Variants in KCNQ3 observed in about 807,000 individuals in gnomAD.
The protein encoded by KCNQ3 is potassium voltage-gated channel subfamily Q member 3.
A neutral mutation model predicts 92.5 loss-of-function variants in KCNQ3; 30 were observed. The observed-to-expected ratio is 0.32, with a 90% CI of 0.24 to 0.44. The LOEUF (loss-of-function observed/expected upper bound fraction) is 0.44, where lower values mean the gene tolerates loss of function less well. KCNQ3 is among the 20% of genes least tolerant of loss of function. The pLI is 1.00. For missense variants in KCNQ3, 913 were observed against 1,140.3 expected, an observed-to-expected ratio of 0.80 and a Z score of 2.87; for synonymous variants, 450 against 468.8, an observed-to-expected ratio of 0.96 and a Z score of 0.52.
At chr8:132,466,994 C>G (rs969801718) in intron 1 of KCNQ3, among the ~76,000 whole-genome samples, 1 of 152,172 alleles carries the variant, frequency 6.6e-6, no homozygotes, top group Non-Finnish European at 1.5e-5. Flanking sequence ...AAACACAAAC[C>G]AAGAGAGAAT....
rs1824543589 is a variant in KCNQ3 at position 132,123,215 on chromosome 8, C to T, written c.*6047G>A. On this transcript the variant is annotated 3_prime_UTR_variant, in exon 15 of 15. Transcript: ENST00000388996. ...AAGGCATGACTGTTGCTGAATGAGC[C>T]CAAGTGATGGGCCAAAAAGGTGAAC... The T allele has an allele frequency of 6.6e-6, 1 of 152,202 alleles. No homozygotes were observed. The highest frequency in any genetic ancestry group is 2.1e-4 in the South Asian group (1 of 4,820). The allele number at this position is 152,202 out of a possible 1,614,324, so 9.4% of individuals were successfully genotyped here.
At chr8:132,342,235 A>G (rs1043234022) in intron 1 of KCNQ3, among the ~76,000 whole-genome samples, 1 of 151,712 alleles carries the variant, frequency 6.6e-6, no homozygotes, top group East Asian at 1.9e-4. Context: ...CTTTCACCAT[A>G]TCTCCTTTAA....
chr8:132,450,279 T>C (rs1428607640), intron 1 of KCNQ3, among the ~76,000 whole-genome samples: 1 of 151,904 alleles, frequency 6.6e-6, no homozygotes, highest in African/African-American at 2.4e-5. Context: ...GATTGGCCTA[T>C]TTTACAAACC....
In KCNQ3 at chr8:132,187,543, C is replaced by T. The variant is rs1827008995; in HGVS notation, c.387-1362G>A. Among the ~76,000 whole-genome samples, 4 of 152,204 alleles carry T rather than the reference C, an allele frequency of 2.6e-5. No homozygotes were observed. The South Asian group carries it at 6.2e-4, about 24-fold the overall frequency. On this transcript the variant is annotated intron_variant, in intron 1 of 14. Transcript: ENST00000388996. ...TCCCCAACTCCTTCCTGTGTTTGGA[C>T]ATTTTATGTGAAATTCGACTTTAAC... is the stretch of plus-strand genomic sequence containing the variant.
At chr8:132,419,768 C>A (rs1362964168) in intron 1 of KCNQ3, among the ~76,000 whole-genome samples, 1 of 152,090 alleles carries the variant, frequency 6.6e-6, no homozygotes, top group African/African-American at 2.4e-5. Flanking sequence ...TCAAAAATCC[C>A]GAAGTGACTT....
At chr8:132,256,431 A>G (rs986775939) in intron 1 of KCNQ3, among the ~76,000 whole-genome samples, 18 of 152,308 alleles carry the variant, frequency 1.2e-4, no homozygotes, top group Admixed American at 3.9e-4. Context: ...AGGAAGGGTC[A>G]AAAGTATTTG....
At chr8:132,364,473 T>C (rs1819258308) in intron 1 of KCNQ3, among the ~76,000 whole-genome samples, 2 of 152,172 alleles carry the variant, frequency 1.3e-5, no homozygotes, top group Non-Finnish European at 2.9e-5. Flanking sequence ...GTCACTTCTG[T>C]TTATCATCTC....
intron 1 of KCNQ3, among the ~76,000 whole-genome samples, chr8:132,395,812 C>T (rs1820175933): frequency 6.6e-6 from 1 of 152,212 alleles, no homozygotes; most frequent in South Asian, 2.1e-4. Flanking sequence ...GGGACTTACC[C>T]AATGGCATCT....
chr8:132,170,536 G>C (rs1826297530), intron 7 of KCNQ3, 108 bp from the exon 8 acceptor site: 1 of 753,912 alleles, frequency 1.3e-6, no homozygotes, highest in African/African-American at 1.7e-5. Flanking sequence ...CTAAGAATTT[G>C]AATGTGCATT....
At chr8:132,436,884 T>C (rs967370779) in intron 1 of KCNQ3, among the ~76,000 whole-genome samples, 1 of 152,110 alleles carries the variant, frequency 6.6e-6, no homozygotes, top group Non-Finnish European at 1.5e-5. Context: ...ACCCACTTAC[T>C]CCAGGCAGCC....
chr8:132,445,916 T>C (rs944538514), intron 1 of KCNQ3, among the ~76,000 whole-genome samples: 4 of 152,178 alleles, frequency 2.6e-5, no homozygotes, highest in Non-Finnish European at 4.4e-5. Flanking sequence ...TCCCTATCTG[T>C]CTGCCTATTA....
intron 1 of KCNQ3, among the ~76,000 whole-genome samples, chr8:132,249,965 A>C (rs1018586204): frequency 1.3e-5 from 2 of 152,104 alleles, no homozygotes; most frequent in Non-Finnish European, 2.9e-5. Context: ...GGACCTGCCG[A>C]GCCCATGCCC....
At chr8:132,334,795 T>C (rs1818320642) in intron 1 of KCNQ3, among the ~76,000 whole-genome samples, 1 of 152,152 alleles carries the variant, frequency 6.6e-6, no homozygotes, top group Non-Finnish European at 1.5e-5. Flanking sequence ...CCCTCTTCCC[T>C]GGACACTGAG....
chr8:132,162,433 G>C (rs1213531467), intron 9 of KCNQ3, among the ~76,000 whole-genome samples: 1 of 152,172 alleles, frequency 6.6e-6, no homozygotes, highest in African/African-American at 2.4e-5. Context: ...GATGTGGGAT[G>C]AGCCTGTCCT....
intron 3 of KCNQ3, among the ~76,000 whole-genome samples, chr8:132,181,005 C>T (rs958159141): frequency 1.3e-5 from 2 of 152,106 alleles, no homozygotes; most frequent in Non-Finnish European, 2.9e-5. Context: ...CGCCCCCACA[C>T]ATCTGAGCTA....
At chr8:132,290,654 T>C (rs923062953) in intron 1 of KCNQ3, among the ~76,000 whole-genome samples, 1 of 151,814 alleles carries the variant, frequency 6.6e-6, no homozygotes, top group African/African-American at 2.4e-5. Context: ...ATGTGGAGGG[T>C]GAGAAATAGG....
chr8:132,422,651 T>C (rs1251308857), intron 1 of KCNQ3, among the ~76,000 whole-genome samples: 1 of 152,116 alleles, frequency 6.6e-6, no homozygotes, highest in African/African-American at 2.4e-5. Flanking sequence ...CCTGACTGGC[T>C]CCCCTTCCGG....
At chr8:132,223,327 C>T (rs1814298621) in intron 1 of KCNQ3, among the ~76,000 whole-genome samples, 1 of 152,186 alleles carries the variant, frequency 6.6e-6, no homozygotes, top group Non-Finnish European at 1.5e-5. Context: ...GCTTGCTGTC[C>T]AGCAGGGAAG....
chr8:132,435,412 G>A (rs1460673160), intron 1 of KCNQ3, among the ~76,000 whole-genome samples: 1 of 152,140 alleles, frequency 6.6e-6, no homozygotes, highest in African/African-American at 2.4e-5. Flanking sequence ...TACAGCTAAG[G>A]AACTAAAGCT....
Sources: gnomAD v4.1 joint callset for allele counts (sites outside exome capture counted in the v4.1 genomes callset) on GRCh38, gnomAD v4.1.1 for gene constraint, MANE v1.5 for transcripts, NCBI Gene and HGNC (gene_info 2026-07-23, HGNC 2026-07-21) for gene names.